PPP2R3A: variants seen among roughly 807,000 people sequenced by gnomAD.
PPP2R3A encodes the protein protein phosphatase 2 regulatory subunit B''alpha.
In PPP2R3A, 80 loss-of-function variants were observed where a neutral mutation model predicts 106.9. The ratio of observed to expected loss-of-function variants is 0.75; its 90% CI spans 0.62 to 0.90. The LOEUF (loss-of-function observed/expected upper bound fraction) is 0.90, where lower values mean the gene tolerates loss of function less well. PPP2R3A is among the 40% of genes least tolerant of loss of function. The probability of loss-of-function intolerance (pLI) is 0.00; values close to 1 mark genes in which losing one functional copy is unlikely to be tolerated. For synonymous variants in PPP2R3A, 483 were observed against 468.3 expected (o/e 1.03, Z -0.41); for missense variants, 1,386 against 1,350.4 (o/e 1.03, Z -0.41).
At chr3:136,042,506 A>T (rs565137384) in intron 4 of PPP2R3A, among the ~76,000 whole-genome samples, 13 of 152,324 alleles carry the variant, frequency 8.5e-5, no homozygotes, top group Admixed American at 4.6e-4. Context: ...AAATAAAAAA[A>T]TTTTTTTAAA....
rs144004201 is a variant in PPP2R3A at position 136,033,087 on chromosome 3, G to T, written c.2262+5989G>T. On this transcript the variant is annotated intron_variant, in intron 3 of 13. Coordinates refer to ENST00000264977, the MANE Select transcript of PPP2R3A (RefSeq NM_002718.5). ...TTTGCTGAGAGTTTTCATCATAAAGGGATGCTGGATTTTATCAAATGCTTT... is the reference window on the plus strand; with the variant it reads ...TTTGCTGAGAGTTTTCATCATAAAGTGATGCTGGATTTTATCAAATGCTTT... 3.5e-3 allele frequency among the ~76,000 whole-genome samples: 526 copies of T among 152,232 alleles called. 4 individuals carry two copies. Among genetic ancestry groups the T allele is most frequent in the African/African-American group, 0.012 (488 of 41,540 alleles).
At chr3:136,030,053 A>T (rs1030392065) in intron 3 of PPP2R3A, among the ~76,000 whole-genome samples, 1 of 152,144 alleles carries the variant, frequency 6.6e-6, no homozygotes, top group African/African-American at 2.4e-5. Context: ...CTCTACAGAT[A>T]ATAATTTTTT....
At chr3:136,096,978 C>CACAA (rs1553754967) in intron 10 of PPP2R3A, among the ~76,000 whole-genome samples, 8 of 152,078 alleles carry the variant, frequency 5.3e-5, no homozygotes, top group African/African-American at 1.9e-4. Context: ...CACACACACA[C>CACAA]AAAAAATGTA....
Position 136,087,243 on chromosome 3 carries a change from G to GTATCTC in PPP2R3A, c.2789-639_2789-638insATCTCT, listed in dbSNP as rs1491461536. Among the ~76,000 whole-genome samples, 3 of 75,128 alleles carry GTATCTC rather than the reference G, an allele frequency of 4.0e-5. No homozygotes were observed. The South Asian group carries it at 1.8e-3, about 45-fold the overall frequency. 49.3% of individuals were successfully genotyped at this position (75,128 alleles called of 152,430 possible). ...TAAATGAAAGAACAGGTCTCTAGTCGTGTCTCTCTCTCTCTCTCTCTCTCT... is the reference window on the plus strand; with the variant it reads ...TAAATGAAAGAACAGGTCTCTAGTCGTATCTCTGTCTCTCTCTCTCTCTCTCTCTCT... On this transcript the variant is annotated intron_variant, in intron 8 of 13. Coordinates refer to ENST00000264977, the MANE Select transcript of PPP2R3A (RefSeq NM_002718.5).
At chr3:136,062,660 G>A (rs1291832218) in intron 5 of PPP2R3A, among the ~76,000 whole-genome samples, 3 of 150,220 alleles carry the variant, frequency 2.0e-5, no homozygotes, top group Non-Finnish European at 4.4e-5. Flanking sequence ...GGAGCTTGCA[G>A]TGAGCCAAGA....
In PPP2R3A at chr3:136,118,608, GA is replaced by G. The variant is rs200213455; in HGVS notation, c.3329+12287del. Among the ~76,000 whole-genome samples, 1,189 of 152,238 alleles carry G rather than the reference GA, an allele frequency of 7.8e-3. 15 individuals carry two copies. The highest frequency in any genetic ancestry group is 0.035 in the Admixed American group (542 of 15,284). Reference sequence around the variant, plus strand: ...ACAGACAAACAGAGAACCAAATCATGAGTGAACTCCCATTCACAATAGCTTC... The same window carrying G: ...ACAGACAAACAGAGAACCAAATCATGGTGAACTCCCATTCACAATAGCTTC... On this transcript the variant is annotated intron_variant, in intron 13 of 13. Transcript: ENST00000264977.
In PPP2R3A at chr3:136,002,521, A is replaced by G. The variant is rs915267356; in HGVS notation, c.1023A>G (p.Ser341=). ...AATATGAAGATGTTGTCCAGCTCTC[A>G]GCTTCTGACTCTGGACGATTTCAAA... The part of the protein sequence containing the change: ...PPKYEDVVQL[S]ASDSGRFQTI... Residue 341 remains serine, a synonymous_variant, in exon 2 of 14, where the codon TCA becomes TCG. Coordinates refer to ENST00000264977, the MANE Select transcript of PPP2R3A (RefSeq NM_002718.5). 9 of 1,613,958 alleles carry G rather than the reference A, an allele frequency of 5.6e-6. No homozygotes were observed. Among genetic ancestry groups the G allele is most frequent in the Non-Finnish European group, 7.6e-6 (9 of 1,179,946 alleles).
rs139927032 is a variant in PPP2R3A at position 136,045,107 on chromosome 3, G to A, written c.2366+4145G>A. Among the ~76,000 whole-genome samples, 97 of 152,302 alleles carry A rather than the reference G, an allele frequency of 6.4e-4. 1 individual carries two copies. The highest frequency in any genetic ancestry group is 1.6e-3 in the Admixed American group (24 of 15,308). ...GCTGTCTTTCCCACAGGACCAGGGC[G>A]TATCTGATCCATGCACTCCCCTGTC... On this transcript the variant is annotated intron_variant, in intron 4 of 13. Coordinates refer to ENST00000264977, the MANE Select transcript of PPP2R3A (RefSeq NM_002718.5).
chr3:135,980,076 C>T (rs1446366989), intron 1 of PPP2R3A, among the ~76,000 whole-genome samples: 3 of 151,792 alleles, frequency 2.0e-5, no homozygotes, highest in Non-Finnish European at 4.4e-5. Flanking sequence ...CCAGTGTCTC[C>T]TGCCATGTTG....
chr3:136,048,992 C>T (rs1042873576), intron 4 of PPP2R3A, among the ~76,000 whole-genome samples: 2 of 152,054 alleles, frequency 1.3e-5, no homozygotes, highest in Non-Finnish European at 2.9e-5. Flanking sequence ...GACAGCTGTT[C>T]CTTCCTGTTT....
chr3:136,090,731 G>T, intron 10 of PPP2R3A, 64 bp downstream of exon 10: 1 of 1,378,650 alleles, frequency 7.3e-7, no homozygotes, highest in Non-Finnish European at 1.0e-6. Context: ...AAAAAGTCAT[G>T]GTGTATATTA....
chr3:136,037,607 C>T (rs546212519), intron 3 of PPP2R3A, among the ~76,000 whole-genome samples: 1 of 152,308 alleles, frequency 6.6e-6, no homozygotes, highest in South Asian at 2.1e-4. Flanking sequence ...ATTTCTTCAT[C>T]TGTAAAATGG....
chr3:136,124,504 G>A (rs1456017372), intron 13 of PPP2R3A, among the ~76,000 whole-genome samples: 1 of 151,944 alleles, frequency 6.6e-6, no homozygotes. Flanking sequence ...GAAAACATAT[G>A]GGATGTTTTC....
intron 1 of PPP2R3A, among the ~76,000 whole-genome samples, chr3:135,988,802 T>C (rs1174400407): frequency 1.3e-5 from 2 of 152,180 alleles, no homozygotes; most frequent in African/African-American, 4.8e-5. Flanking sequence ...TTTTCTGGAA[T>C]TGGACATTAG....
intron 4 of PPP2R3A, among the ~76,000 whole-genome samples, chr3:136,047,738 A>G (rs1406243698): frequency 6.6e-6 from 1 of 152,098 alleles, no homozygotes; most frequent in Non-Finnish European, 1.5e-5. Flanking sequence ...CGTCTCTACT[A>G]AAAATACAAA....
chr3:136,039,594 A>G (rs1241900957), intron 3 of PPP2R3A, among the ~76,000 whole-genome samples: 1 of 152,096 alleles, frequency 6.6e-6, no homozygotes, highest in Non-Finnish European at 1.5e-5. Context: ...TCACTCTCCT[A>G]TAACAATCTG....
At chr3:136,140,005 CAA>C (rs370749523) in intron 13 of PPP2R3A, among the ~76,000 whole-genome samples, 23 of 84,204 alleles carry the variant, frequency 2.7e-4, no homozygotes, top group East Asian at 4.9e-4. Context: ...GACTCTGTCT[CAA>C]AAAAAAAAAA....
chr3:135,982,939 T>G (rs1160150874), intron 1 of PPP2R3A, among the ~76,000 whole-genome samples: 1 of 152,212 alleles, frequency 6.6e-6, no homozygotes, highest in Non-Finnish European at 1.5e-5. Context: ...ATCATAACTT[T>G]TTACCTGCAT....
chr3:136,056,571 C>T (rs189874186), intron 5 of PPP2R3A, among the ~76,000 whole-genome samples: 201 of 151,724 alleles, frequency 1.3e-3, no homozygotes, highest in African/African-American at 4.6e-3. Context: ...TATCTTACAC[C>T]GTATATAAAA....
Sources: gnomAD v4.1 joint callset for allele counts (sites outside exome capture counted in the v4.1 genomes callset) on GRCh38, gnomAD v4.1.1 for gene constraint, MANE v1.5 for transcripts, NCBI Gene and HGNC (gene_info 2026-07-23, HGNC 2026-07-21) for gene names.